Variants in CCSER1 observed in about 807,000 individuals in gnomAD.
CCSER1 encodes the protein coiled-coil serine rich protein 1, also known as serine-rich coiled-coil domain-containing protein 1.
Under a neutral mutation model 82.0 loss-of-function variants are expected in CCSER1, and 41 were observed. That is an observed-to-expected ratio of 0.50 (90% CI 0.39 to 0.65). The LOEUF is 0.65. Among genes scored for constraint, CCSER1 ranks in the 30% least tolerant of loss-of-function variants. The probability of loss-of-function intolerance (pLI) is 0.00; values close to 1 mark genes in which losing one functional copy is unlikely to be tolerated. For synonymous variants in CCSER1, 414 were observed against 383.9 expected (o/e 1.08, Z -0.92); for missense variants, 1,119 against 1,064.2 (o/e 1.05, Z -0.72).
chr4:91,424,561 A>C (rs201778777), intron 10 of CCSER1, among the ~76,000 whole-genome samples: 1 of 152,222 alleles, frequency 6.6e-6, no homozygotes, highest in East Asian at 1.9e-4. Flanking sequence ...ATAGTTACTT[A>C]AGCACTCTAT....
chr4:90,812,368 G>C (rs942271681), intron 7 of CCSER1, among the ~76,000 whole-genome samples: 7 of 152,260 alleles, frequency 4.6e-5, no homozygotes, highest in South Asian at 2.1e-4. Flanking sequence ...CAATGAATTT[G>C]ATACTCAGTA....
At chr4:90,520,369 A>G (rs1772923106) in intron 5 of CCSER1, among the ~76,000 whole-genome samples, 2 of 152,066 alleles carry the variant, frequency 1.3e-5, no homozygotes, top group Admixed American at 6.6e-5. Context: ...AATTAGTTTT[A>G]AATTATATAG....
At chr4:91,153,020 T>C (rs1215356586) in intron 10 of CCSER1, among the ~76,000 whole-genome samples, 1 of 151,958 alleles carries the variant, frequency 6.6e-6, no homozygotes, top group Non-Finnish European at 1.5e-5. Context: ...AGTATCTTTG[T>C]GGCGTTCTCT....
rs1723667351 is a variant in CCSER1 at position 90,628,121 on chromosome 4, A to T, written c.1821A>T (p.Leu607=). ...MPNSPSADWP[L]QGVEENGGID... is the part of the protein sequence containing the mutation. Reference sequence around the variant, plus strand: ...ACAGTCCATCTGCGGATTGGCCTCTACAAGGTGTGGAAGAAAACGGAGGCA... The same window carrying T: ...ACAGTCCATCTGCGGATTGGCCTCTTCAAGGTGTGGAAGAAAACGGAGGCA... The change falls in exon 6 of 11, where the codon CTA becomes CTT. Residue 607 remains leucine, a synonymous_variant. Transcript: ENST00000509176. 6.2e-7 allele frequency: 1 copy of T among 1,613,640 alleles called. No individual in the cohort carries two copies. Among genetic ancestry groups the T allele is most frequent in the African/African-American group, 1.3e-5 (1 of 74,912 alleles).
At chr4:91,021,936 A>G (rs970993762) in intron 9 of CCSER1, among the ~76,000 whole-genome samples, 1 of 152,206 alleles carries the variant, frequency 6.6e-6, no homozygotes, top group Non-Finnish European at 1.5e-5. Context: ...GGTATGGTAT[A>G]TTTCAAATGA....
chr4:90,422,983 CTT>C (rs1756938016), intron 4 of CCSER1, among the ~76,000 whole-genome samples: 1 of 152,096 alleles, frequency 6.6e-6, no homozygotes, highest in African/African-American at 2.4e-5. Context: ...TGGGAAGTCT[CTT>C]TTGTTTTCTC....
chr4:91,323,746 C>T (rs1453136556), intron 10 of CCSER1, among the ~76,000 whole-genome samples: 3 of 152,118 alleles, frequency 2.0e-5, no homozygotes, highest in Non-Finnish European at 4.4e-5. Context: ...GCTTTCTGAA[C>T]ATAACAAGGA....
chr4:91,215,967 T>C (rs1050552602), intron 10 of CCSER1, among the ~76,000 whole-genome samples: 9 of 152,130 alleles, frequency 5.9e-5, no homozygotes, highest in African/African-American at 7.2e-5. Flanking sequence ...CAAATATGAG[T>C]TCATCTGTTT....
chr4:90,155,074 C>G (rs7439971), intron 1 of CCSER1, among the ~76,000 whole-genome samples: 2,058 of 152,062 alleles, frequency 0.014, 22 homozygotes, highest in African/African-American at 0.021. Flanking sequence ...AATTTATTGA[C>G]AGTTTTTAGC....
chr4:90,287,075 A>G (rs931631252), intron 1 of CCSER1, among the ~76,000 whole-genome samples: 1 of 151,860 alleles, frequency 6.6e-6, no homozygotes, highest in Non-Finnish European at 1.5e-5. Flanking sequence ...TTTAGGTTTT[A>G]TGACTGCTTT....
chr4:90,695,381 A>G (rs1442857433), intron 6 of CCSER1, among the ~76,000 whole-genome samples: 1 of 151,982 alleles, frequency 6.6e-6, no homozygotes, highest in Non-Finnish European at 1.5e-5. Flanking sequence ...AGGTAATAAC[A>G]CTTACTATTA....
At chr4:91,004,173 G>T (rs904682713) in intron 9 of CCSER1, among the ~76,000 whole-genome samples, 30 of 152,136 alleles carry the variant, frequency 2.0e-4, no homozygotes, top group African/African-American at 6.3e-4. Context: ...AGAGCAAAAC[G>T]TCACAATGTG....
At chr4:91,565,287 G>A (rs1762836752) in intron 10 of CCSER1, among the ~76,000 whole-genome samples, 1 of 152,000 alleles carries the variant, frequency 6.6e-6, no homozygotes, top group African/African-American at 2.4e-5. Flanking sequence ...GTACCATGCT[G>A]TTTTGTTTAC....
chr4:91,149,941 A>C (rs1581651464), intron 10 of CCSER1, among the ~76,000 whole-genome samples: 1 of 152,200 alleles, frequency 6.6e-6, no homozygotes, highest in East Asian at 1.9e-4. Context: ...CTTGTGGCTT[A>C]GGATTGTCTT....
chr4:91,511,717 C>T (rs1578659817), intron 10 of CCSER1, among the ~76,000 whole-genome samples: 1 of 152,110 alleles, frequency 6.6e-6, no homozygotes, highest in East Asian at 1.9e-4. Flanking sequence ...GAATCTAATG[C>T]CTGATGATCT....
At chr4:90,133,408 T>C (rs1325128400) in intron 1 of CCSER1, among the ~76,000 whole-genome samples, 1 of 152,152 alleles carries the variant, frequency 6.6e-6, no homozygotes, top group East Asian at 1.9e-4. Context: ...ATACAAAAGT[T>C]GACCAATTTC....
At chr4:90,579,546 T>A (rs972522311) in intron 5 of CCSER1, among the ~76,000 whole-genome samples, 1 of 152,196 alleles carries the variant, frequency 6.6e-6, no homozygotes. Flanking sequence ...TCATGTAGTA[T>A]CCATCTGCTT....
At chr4:90,759,704 C>T (rs1750132438) in intron 7 of CCSER1, among the ~76,000 whole-genome samples, 1 of 152,052 alleles carries the variant, frequency 6.6e-6, no homozygotes, top group Non-Finnish European at 1.5e-5. Flanking sequence ...AATTGTTTGT[C>T]CCTTGTAGTA....
rs372321382 is a variant in CCSER1 at position 90,697,574 on chromosome 4, C to T, written c.1933-26340C>T. Among the ~76,000 whole-genome samples, 20 of 152,092 alleles carry T rather than the reference C, an allele frequency of 1.3e-4. No individual in the cohort carries two copies. The East Asian group carries it at 1.7e-3, about 13-fold the overall frequency. ...ACTTTTATTGAGACACTACATTTCC[C>T]CCGCCCACAATCATTTCAGTTCACT... On this transcript the variant is annotated intron_variant, in intron 6 of 10. Coordinates refer to ENST00000509176, the MANE Select transcript of CCSER1 (RefSeq NM_001145065.2).
Sources: allele counts gnomAD v4.1 joint callset (sites outside exome capture counted in the v4.1 genomes callset), GRCh38; gene constraint gnomAD v4.1.1; transcripts MANE v1.5; gene names NCBI Gene and HGNC (gene_info 2026-07-23, HGNC 2026-07-21).